The following VGF variants were observed in gnomAD, a reference collection of about 807,000 sequenced individuals.
VGF encodes the protein neurosecretory protein VGF.
In VGF, 13 loss-of-function variants were observed where a neutral mutation model predicts 41.1. That is an observed-to-expected ratio of 0.32 (90% CI 0.21 to 0.50). The LOEUF is 0.50. Among genes scored for constraint, VGF ranks in the 20% least tolerant of loss-of-function variants. VGF has a pLI of 0.98. For synonymous variants in VGF, 473 were observed against 418.3 expected, an observed-to-expected ratio of 1.13 and a Z score of -1.60; for missense variants, 920 against 882.1, an observed-to-expected ratio of 1.04 and a Z score of -0.54.
rs1797143994 is a variant in VGF at position 101,163,229 on chromosome 7, G to A, written c.1615C>T (p.Pro539Ser). The A allele has an allele frequency of 6.5e-7, 1 of 1,536,348 alleles. No individual in the cohort carries two copies. The highest frequency in any genetic ancestry group is 8.7e-7 in the Non-Finnish European group (1 of 1,145,778). Residue 539 changes from proline (P) to serine (S), a missense_variant, in exon 2 of 2, where the codon CCG (proline) becomes TCG (serine). By Grantham distance (74) the Pro-to-Ser change is moderately conservative. Around this residue, in one of 3 missense-constraint regions of VGF, gnomAD observed 257 missense variants for 217.2 expected, o/e 1.18. Transcript: ENST00000249330. The surrounding 1 kb of genome is among the most constrained non-coding windows in gnomAD (Gnocchi z 5.0). ...GGGAAAGGGTGGTACGGCCCTGGCG[G>A]GTACACCTCGTCCTCCTCCCGATCC... The part of the protein sequence containing the change: ...PWDREEDEVY[P>S]PGPYHPFPNY...
chr7:101,165,243 CG>C (rs1433259965), intron 1 of VGF, 130 bp downstream of exon 1: 1 of 995,536 alleles, frequency 1.0e-6, no homozygotes, highest in Non-Finnish European at 1.2e-6. Flanking sequence ...GCGACTCCCC[CG>C]TTTACCGGGG....
upstream of VGF, among the ~76,000 whole-genome samples, chr7:101,166,745 C>T (rs1251408212): frequency 4.2e-5 from 5 of 119,990 alleles, no homozygotes; most frequent in East Asian, 1.0e-3. Flanking sequence ...AGAGCTGGGT[C>T]CGGTGAAGGG....
In VGF at chr7:101,162,713, C is replaced by A; in HGVS notation, c.*283G>T. 1 of 570,104 alleles carries A rather than the reference C, an allele frequency of 1.8e-6. No individual in the cohort carries two copies. The highest frequency in any genetic ancestry group is 1.6e-5 in the South Asian group (1 of 64,464). The allele number at this position is 570,104 out of a possible 1,614,324, so 35.3% of individuals were successfully genotyped here. The stretch of plus-strand genomic sequence containing the variant: ...TTCCGGTTTCCGACGGGGACGTCCC[C>A]AGAGGGACTTGATGGGGCCGGGGCC... On this transcript the variant is annotated 3_prime_UTR_variant, in exon 2 of 2. Coordinates refer to ENST00000249330, the MANE Select transcript of VGF (RefSeq NM_003378.4). The surrounding 1 kb of genome is among the most constrained non-coding windows in gnomAD (Gnocchi z 4.2).
chr7:101,163,904 T>TGGCCTCCGCCTGCCGCCGCCC lies in VGF; in HGVS notation c.919_939dup (p.Gly307_Ala313dup). 6.8e-7 allele frequency: 1 copy of TGGCCTCCGCCTGCCGCCGCCC among 1,472,312 alleles called. No homozygotes were observed. Among genetic ancestry groups the TGGCCTCCGCCTGCCGCCGCCC allele is most frequent in the Non-Finnish European group, 8.9e-7 (1 of 1,122,406 alleles). 91.2% of individuals were successfully genotyped at this position (1,472,312 alleles called of 1,614,324 possible). A position where few individuals can be genotyped will look rare whatever the true frequency, so the allele number is the denominator to read the frequency against. On this transcript the variant is annotated inframe_insertion, in exon 2 of 2. Coordinates refer to ENST00000249330, the MANE Select transcript of VGF (RefSeq NM_003378.4). This position sits in a 1 kb window ranked among gnomAD's most constrained non-coding sequence, Gnocchi z 5.0. ...TCTTCCTGCGCCGCGGCCTGCCGCG[T>TGGCCTCCGCCTGCCGCCGCCC]GGCCTCCGCCTGCCGCCGCCCGGCC...
chr7:101,163,577 C>T lies in VGF; in HGVS notation c.1267G>A (p.Glu423Lys). Residue 423 changes from glutamate to lysine, a missense_variant, in exon 2 of 2, where the codon GAG (glutamate) becomes AAG (lysine). Physicochemically the swap from Glu to Lys is moderately conservative, Grantham distance 56. This residue lies in a region of VGF where 654 missense variants were observed against 638.4 expected (regional missense o/e 1.02). Transcript: ENST00000249330. The surrounding 1 kb of genome is among the most constrained non-coding windows in gnomAD (Gnocchi z 5.0). ...AGAEDKRSQE[E>K]TPGHRRKEAE... ...TCCTTCCGCCGGTGGCCCGGCGTCT[C>T]CTCCTGGGAGCGCTTGTCCTCGGCG... 1 of 1,578,294 alleles carries T rather than the reference C, an allele frequency of 6.3e-7. No homozygotes were observed. Among genetic ancestry groups the T allele is most frequent in the Non-Finnish European group, 8.6e-7 (1 of 1,162,290 alleles).
chr7:101,166,134 G>A (rs1220140510), upstream of VGF, among the ~76,000 whole-genome samples: 1 of 152,232 alleles, frequency 6.6e-6, no homozygotes, highest in Non-Finnish European at 1.5e-5. Context: ...GAACCTGAGT[G>A]CAGAGGGACA....
chr7:101,163,574 T>A lies in VGF; in HGVS notation c.1270A>T (p.Thr424Ser). Residue 424 changes from threonine (T) to serine (S), a missense_variant, in exon 2 of 2, where the codon ACG (threonine) becomes TCG (serine). By Grantham distance (58) the Thr-to-Ser change is moderately conservative. Around this residue, in one of 3 missense-constraint regions of VGF, gnomAD observed 654 missense variants for 638.4 expected, o/e 1.02. Coordinates refer to ENST00000249330, the MANE Select transcript of VGF (RefSeq NM_003378.4). This position sits in a 1 kb window ranked among gnomAD's most constrained non-coding sequence, Gnocchi z 5.0. Reference protein sequence around the residue: ...GAEDKRSQEETPGHRRKEAEG... With the variant: ...GAEDKRSQEESPGHRRKEAEG... ...GCCTCCTTCCGCCGGTGGCCCGGCG[T>A]CTCCTCCTGGGAGCGCTTGTCCTCG... is the stretch of plus-strand genomic sequence containing the variant. The A allele has an allele frequency of 6.3e-7, 1 of 1,577,494 alleles. No homozygotes were observed. The highest frequency in any genetic ancestry group is 8.6e-7 in the Non-Finnish European group (1 of 1,162,676).
chr7:101,166,593 A>G (rs1368094713), upstream of VGF, among the ~76,000 whole-genome samples: 1 of 149,910 alleles, frequency 6.7e-6, no homozygotes, highest in Non-Finnish European at 1.5e-5. Context: ...GGGACCTGCA[A>G]CGTCAGAGAT....
At chr7:101,165,620 C>T, upstream of VGF, 1 of 985,368 alleles carries the variant, frequency 1.0e-6, no homozygotes, top group Non-Finnish European at 1.2e-6. Flanking sequence ...CGCGGGGTCA[C>T]GTGGGCGCGC....
At chr7:101,165,030 G>C (rs1797196048) in intron 1 of VGF, 167 bp from the exon 2 acceptor site, 2 of 1,327,062 alleles carry the variant, frequency 1.5e-6, no homozygotes, top group Non-Finnish European at 1.9e-6. Flanking sequence ...ATGTTGTGCC[G>C]ATCTCTGGAG....
chr7:101,164,272 G>A lies in VGF; in HGVS notation c.572C>T (p.Thr191Met). 1.9e-6 allele frequency: 3 copies of A among 1,604,780 alleles called. No homozygotes were observed. The highest frequency in any genetic ancestry group is 2.5e-6 in the Non-Finnish European group (3 of 1,179,198). Residue 191 changes from threonine to methionine, a missense_variant, in exon 2 of 2, where the codon ACG becomes ATG. Transcript: ENST00000249330. ...GCTCTCCAGATTCACTCGGGTCAGCGTGTGCGTGCGGGTTTCCGTCTCTGC... is the reference window on the plus strand; with the variant it reads ...GCTCTCCAGATTCACTCGGGTCAGCATGTGCGTGCGGGTTTCCGTCTCTGC... ...AAAETETRTH[T>M]LTRVNLESPG...
chr7:101,163,518 C>G lies in VGF; in HGVS notation c.1326G>C (p.Glu442Asp), dbSNP rs1001503187. 2.1e-5 allele frequency: 34 copies of G among 1,610,050 alleles called. No homozygotes were observed. The highest frequency in any genetic ancestry group is 2.7e-5 in the Non-Finnish European group (32 of 1,178,626). The change falls in exon 2 of 2, where the codon GAG becomes GAC. Residue 442 changes from glutamate (E) to aspartate (D), a missense_variant. Glu to Asp is a conservative substitution (Grantham distance 45, BLOSUM62 2). This residue lies in a region of VGF where 654 missense variants were observed against 638.4 expected (regional missense o/e 1.02). Transcript: ENST00000249330. The surrounding 1 kb of genome is among the most constrained non-coding windows in gnomAD (Gnocchi z 5.0). ...TCTGCGGATCCATCTCCTCGTCGTC[C>G]TCCTCCTCCCCGCCCTCCTCTGTCC... ...AEGTEEGGEEEDDEEMDPQTI... is the reference protein window; with the variant it reads ...AEGTEEGGEEDDDEEMDPQTI...
In VGF at chr7:101,164,117, C is replaced by T. The variant is rs1797171260; in HGVS notation, c.727G>A (p.Glu243Lys). ...ACTCCTTCCCCGAACTTGTGGGTTT[C>T]GGGAAGGGGCCCGCTGTCGGGCATA... ...ARMPDSGPLP[E>K]THKFGEGVSS... Residue 243 changes from glutamate (E) to lysine (K), a missense_variant, in exon 2 of 2, where the codon GAA becomes AAA. Coordinates refer to ENST00000249330, the MANE Select transcript of VGF (RefSeq NM_003378.4). 6.7e-7 allele frequency: 1 copy of T among 1,501,192 alleles called. No homozygotes were observed. Among genetic ancestry groups the T allele is most frequent in the South Asian group, 1.3e-5 (1 of 75,186 alleles). The allele number at this position is 1,501,192 out of a possible 1,614,324, so 93.0% of individuals were successfully genotyped here.
In VGF at chr7:101,162,666, C is replaced by T; in HGVS notation, c.*330G>A. The T allele has an allele frequency of 2.3e-6, 1 of 441,660 alleles. No homozygotes were observed. Among genetic ancestry groups the T allele is most frequent in the South Asian group, 1.8e-5 (1 of 55,744 alleles). The allele number at this position is 441,660 out of a possible 1,614,324, so 27.4% of individuals were successfully genotyped here. A position where few individuals can be genotyped will look rare whatever the true frequency, so the allele number is the denominator to read the frequency against. On this transcript the variant is annotated 3_prime_UTR_variant, in exon 2 of 2. Coordinates refer to ENST00000249330, the MANE Select transcript of VGF (RefSeq NM_003378.4). This position sits in a 1 kb window ranked among gnomAD's most constrained non-coding sequence, Gnocchi z 4.2. ...AAGGGCTGGAGACAGACACACTTCA[C>T]ACAATTAACTGGAACTGCTTTTTCC... is the stretch of plus-strand genomic sequence containing the variant.
chr7:101,163,518 C>T lies in VGF; in HGVS notation c.1326G>A (p.Glu442=). ...AEGTEEGGEE[E]DDEEMDPQTI... is the part of the protein sequence containing the mutation. ...TCTGCGGATCCATCTCCTCGTCGTC[C>T]TCCTCCTCCCCGCCCTCCTCTGTCC... Residue 442 remains glutamate (E), a synonymous_variant, in exon 2 of 2, where the codon GAG becomes GAA. Coordinates refer to ENST00000249330, the MANE Select transcript of VGF (RefSeq NM_003378.4). The surrounding 1 kb of genome is among the most constrained non-coding windows in gnomAD (Gnocchi z 5.0). The T allele has an allele frequency of 6.2e-7, 1 of 1,610,164 alleles. No individual in the cohort carries two copies. The highest frequency in any genetic ancestry group is 1.1e-5 in the South Asian group (1 of 90,396).
upstream of VGF, among the ~76,000 whole-genome samples, chr7:101,168,473 G>A (rs1056849932): frequency 6.6e-6 from 1 of 152,186 alleles, no homozygotes; most frequent in Admixed American, 6.5e-5. Context: ...GGGGCTTCTG[G>A]ACTGGGCACA....
At chr7:101,168,207 C>A (rs555123769), upstream of VGF, among the ~76,000 whole-genome samples, 2 of 152,132 alleles carry the variant, frequency 1.3e-5, no homozygotes, top group East Asian at 3.9e-4. Context: ...AGCTCACAAG[C>A]CCAGGAGAGT....
At position 101,164,344 on chromosome 7, in the gene VGF, C is replaced by T. The variant is rs1156459501; in HGVS notation, c.500G>A (p.Arg167Gln). 2 of 1,611,976 alleles carry T rather than the reference C, an allele frequency of 1.2e-6. No individual in the cohort carries two copies. Among genetic ancestry groups the T allele is most frequent in the East Asian group, 4.5e-5 (2 of 44,868 alleles). ...EALASLLQEL[R>Q]DFSPSSAKRQ... ...CTTGGCGCTACTTGGACTGAAATCTCGCAGTTCCTGGAGCAGGGACGCTAG... is the reference window on the plus strand; with the variant it reads ...CTTGGCGCTACTTGGACTGAAATCTTGCAGTTCCTGGAGCAGGGACGCTAG... The change falls in exon 2 of 2, where the codon CGA becomes CAA. Residue 167 changes from arginine (R) to glutamine (Q), a missense_variant. Transcript: ENST00000249330.
chr7:101,163,897 T>C lies in VGF; in HGVS notation c.947A>G (p.Gln316Arg), dbSNP rs1797165878. Residue 316 changes from glutamine to arginine, a missense_variant, in exon 2 of 2, where the codon CAG (glutamine) becomes CGG (arginine). Physicochemically the swap from Gln to Arg is conservative, Grantham distance 43. Around this residue, in one of 3 missense-constraint regions of VGF, gnomAD observed 654 missense variants for 638.4 expected, o/e 1.02. Coordinates refer to ENST00000249330, the MANE Select transcript of VGF (RefSeq NM_003378.4). The surrounding 1 kb of genome is among the most constrained non-coding windows in gnomAD (Gnocchi z 5.0). ...AGRRQAEATR[Q>R]AAAQEERLAD... ...CAGCCGCTCTTCCTGCGCCGCGGCCTGCCGCGTGGCCTCCGCCTGCCGCCG... is the reference window on the plus strand; with the variant it reads ...CAGCCGCTCTTCCTGCGCCGCGGCCCGCCGCGTGGCCTCCGCCTGCCGCCG... The C allele has an allele frequency of 1.4e-6, 2 of 1,478,900 alleles. No homozygotes were observed. The highest frequency in any genetic ancestry group is 2.4e-5 in the Admixed American group (1 of 41,998). 91.6% of individuals were successfully genotyped at this position (1,478,900 alleles called of 1,614,324 possible).
Sources: gnomAD v4.1 joint callset for allele counts (sites outside exome capture counted in the v4.1 genomes callset) on GRCh38, gnomAD v4.1.1 for gene constraint, gnomAD v4.1.1 regional missense constraint, Gnocchi (gnomAD v3.1) non-coding constraint, MANE v1.5 for transcripts, NCBI Gene and HGNC (gene_info 2026-07-23, HGNC 2026-07-21) for gene names.